The following KAZN variants were observed in gnomAD, a reference collection of about 807,000 sequenced individuals.
The protein encoded by KAZN is kazrin.
In KAZN, 40 loss-of-function variants were observed where a neutral mutation model predicts 87.4. The ratio of observed to expected loss-of-function variants is 0.46; its 90% confidence interval spans 0.36 to 0.60. The LOEUF (loss-of-function observed/expected upper bound fraction) is 0.60. Ranked by LOEUF, KAZN falls within the 20% of genes least tolerant of loss-of-function variation. The probability of loss-of-function intolerance (pLI) is 0.00; values close to 1 mark genes in which losing one functional copy is unlikely to be tolerated. For synonymous variants in KAZN, 466 were observed against 458.3 expected (o/e 1.02, Z -0.22); for missense variants, 898 against 1,073.9 (o/e 0.84, Z 2.29).
intron 2 of KAZN, among the ~76,000 whole-genome samples, chr1:14,434,323 A>G (rs1345748129): frequency 9.9e-5 from 15 of 152,058 alleles, no homozygotes; most frequent in Admixed American, 9.8e-4. Flanking sequence ...TCAGAATTCA[A>G]GTCTGGGTTC....
At chr1:14,842,358 C>CA (rs1389927622) in intron 1 of KAZN, among the ~76,000 whole-genome samples, 1 of 152,180 alleles carries the variant, frequency 6.6e-6, no homozygotes, top group Non-Finnish European at 1.5e-5. Flanking sequence ...CAGTAATAGA[C>CA]ACGCAGGATC....
At chr1:14,522,862 A>G (rs1160104247) in intron 2 of KAZN, among the ~76,000 whole-genome samples, 1 of 152,162 alleles carries the variant, frequency 6.6e-6, no homozygotes, top group Admixed American at 6.5e-5. Flanking sequence ...CTTAATTTCA[A>G]TCGTGACTAC....
intron 1 of KAZN, among the ~76,000 whole-genome samples, chr1:14,680,316 G>T (rs150189354): frequency 1.3e-5 from 2 of 151,948 alleles, no homozygotes; most frequent in Non-Finnish European, 2.9e-5. Context: ...CCGTTCCTAC[G>T]TAGCCCTCCC....
Position 14,510,236 on chromosome 1 carries a change from G to C in KAZN, c.250-88747G>C, listed in dbSNP as rs955463364. ...TCTACTAAAAATACAAAATTAGCCAGGCGTGGTGGCATATGCCTGTAATCC... is the reference window on the plus strand; with the variant it reads ...TCTACTAAAAATACAAAATTAGCCACGCGTGGTGGCATATGCCTGTAATCC... On this transcript the variant is annotated intron_variant, in intron 2 of 16. Coordinates refer to the KAZN transcript ENST00000636203. Among the ~76,000 whole-genome samples, 4 of 152,126 alleles carry C rather than the reference G, an allele frequency of 2.6e-5. No homozygotes were observed. In the South Asian group the frequency reaches 8.3e-4, roughly 32 times the overall value.
chr1:14,607,623 G>A (rs1156587852), intron 1 of KAZN, among the ~76,000 whole-genome samples: 1 of 152,162 alleles, frequency 6.6e-6, no homozygotes, highest in Non-Finnish European at 1.5e-5. Context: ...ACTCCTGTCT[G>A]GCCAGAGGTA....
intron 2 of KAZN, among the ~76,000 whole-genome samples, chr1:14,385,936 G>A (rs2101067461): frequency 6.7e-6 from 1 of 150,188 alleles, no homozygotes; most frequent in African/African-American, 2.5e-5. Flanking sequence ...CATTATTAAT[G>A]TGTGGGAGTC....
chr1:14,046,167 A>T (rs898914787), intron 1 of KAZN, among the ~76,000 whole-genome samples: 9 of 152,200 alleles, frequency 5.9e-5, no homozygotes, highest in African/African-American at 1.9e-4. Flanking sequence ...CCTAATGATG[A>T]CTGAAGCAAC....
chr1:14,853,472 TG>T (rs1321411877), intron 1 of KAZN, among the ~76,000 whole-genome samples: 1 of 152,158 alleles, frequency 6.6e-6, no homozygotes, highest in African/African-American at 2.4e-5. Flanking sequence ...ATTTCTCAGA[TG>T]GGGCATCTGA....
intron 1 of KAZN, among the ~76,000 whole-genome samples, chr1:14,873,994 A>C (rs1314360675): frequency 6.6e-6 from 1 of 152,176 alleles, no homozygotes; most frequent in Non-Finnish European, 1.5e-5. Flanking sequence ...CAGGGGCAGG[A>C]GCGAGTTTAG....
chr1:14,592,353 G>A (rs1013865600), intron 2 of KAZN, among the ~76,000 whole-genome samples: 1 of 152,142 alleles, frequency 6.6e-6, no homozygotes, highest in African/African-American at 2.4e-5. Context: ...AAAGGCTCCT[G>A]GCATATACAT....
chr1:14,591,051 G>A lies in KAZN; in HGVS notation c.250-7932G>A, dbSNP rs140894480. ...GTAGAGAGGGTGCCTTCGCTAAAAT[G>A]GGAAATTAGAGCAGATTTAGGAGAG... On this transcript the variant is annotated intron_variant, in intron 2 of 16. Transcript: ENST00000636203. 1.0e-3 allele frequency among the ~76,000 whole-genome samples: 156 copies of A among 152,228 alleles called. 2 individuals are homozygous for A. The highest frequency in any genetic ancestry group is 2.8e-4 in the Non-Finnish European group (19 of 68,024).
At chr1:14,130,892 T>C (rs4366315) in intron 1 of KAZN, among the ~76,000 whole-genome samples, 64 of 151,650 alleles carry the variant, frequency 4.2e-4, no homozygotes, top group Non-Finnish European at 7.1e-4. Flanking sequence ...TCATTAATCA[T>C]ATTAATGAAA....
chr1:14,767,503 T>C (rs1036230911), intron 1 of KAZN, among the ~76,000 whole-genome samples: 1 of 152,226 alleles, frequency 6.6e-6, no homozygotes, highest in African/African-American at 2.4e-5. Flanking sequence ...AGGCAAAGTC[T>C]GAAGACTGGG....
At chr1:14,982,373 C>T (rs1054651042) in intron 2 of KAZN, among the ~76,000 whole-genome samples, 8 of 151,662 alleles carry the variant, frequency 5.3e-5, no homozygotes. Context: ...AGTGGTTCCC[C>T]ACATGTTCCC....
At chr1:15,073,183 G>A (rs2100599213) in intron 8 of KAZN, among the ~76,000 whole-genome samples, 2 of 152,302 alleles carry the variant, frequency 1.3e-5, no homozygotes, top group Middle Eastern at 3.4e-3. Context: ...GAAGGAAAGA[G>A]GAAGAGAGGA....
intron 2 of KAZN, among the ~76,000 whole-genome samples, chr1:14,569,326 T>TTTTTTTTTTG (rs1674722448): frequency 7.2e-6 from 1 of 139,410 alleles, no homozygotes; most frequent in Admixed American, 7.2e-5. Context: ...TCTGCTTTTT[T>TTTTTTTTTTG]TTTTTTTTTT....
At chr1:14,415,570 C>G (rs553747375) in intron 2 of KAZN, among the ~76,000 whole-genome samples, 1 of 152,212 alleles carries the variant, frequency 6.6e-6, no homozygotes, top group Non-Finnish European at 1.5e-5. Context: ...AGGTGGTAGA[C>G]CAGACCTGCT....
chr1:14,817,587 G>A (rs181883280), intron 1 of KAZN, among the ~76,000 whole-genome samples: 113 of 152,312 alleles, frequency 7.4e-4, no homozygotes, highest in Admixed American at 1.2e-3. Flanking sequence ...AATAATGTTT[G>A]CAGATCATTT....
intron 4 of KAZN, 61 bp downstream of exon 4, chr1:15,044,220 G>C: frequency 6.9e-7 from 1 of 1,449,542 alleles, no homozygotes; most frequent in Non-Finnish European, 9.2e-7. Flanking sequence ...GCTGGGAGCC[G>C]GGACGTCTGG....
Sources: gnomAD v4.1 joint callset for allele counts (sites outside exome capture counted in the v4.1 genomes callset) on GRCh38, gnomAD v4.1.1 for gene constraint, MANE v1.5 for transcripts, NCBI Gene and HGNC (gene_info 2026-07-23, HGNC 2026-07-21) for gene names.